Variants in PID1 observed in about 807,000 individuals in gnomAD.
PID1 encodes the protein PTB-containing, cubilin and LRP1-interacting protein.
In PID1, 10 loss-of-function variants were observed where a neutral mutation model predicts 19.1. The ratio of observed to expected loss-of-function variants is 0.52; its 90% CI spans 0.32 to 0.89. PID1 has a LOEUF of 0.89. PID1 is among the 40% of genes least tolerant of loss of function. The probability of loss-of-function intolerance (pLI) is 0.03; values close to 1 mark genes in which losing one functional copy is unlikely to be tolerated. For synonymous variants in PID1, 130 were observed against 116.0 expected (o/e 1.12, Z -0.78); for missense variants, 248 against 285.3 (o/e 0.87, Z 0.94).
intron 1 of PID1, among the ~76,000 whole-genome samples, chr2:229,168,610 A>G (rs1690649899): frequency 6.6e-6 from 1 of 152,040 alleles, no homozygotes; most frequent in Non-Finnish European, 1.5e-5. Context: ...ACCTTTTCCA[A>G]TAGTGTTTGA....
chr2:229,211,955 T>C (rs1691747024), intron 1 of PID1, among the ~76,000 whole-genome samples: 1 of 152,230 alleles, frequency 6.6e-6, no homozygotes, highest in Non-Finnish European at 1.5e-5. Flanking sequence ...TAATTGCATC[T>C]TTCTCCAGTA....
At chr2:229,054,006 T>C (rs891626549) in intron 2 of PID1, among the ~76,000 whole-genome samples, 3 of 152,180 alleles carry the variant, frequency 2.0e-5, no homozygotes, top group Admixed American at 1.3e-4. Context: ...CACAAATGGA[T>C]GGTATCCAAA....
At chr2:229,091,366 G>GAAA (rs35599164) in intron 2 of PID1, among the ~76,000 whole-genome samples, 1 of 141,188 alleles carries the variant, frequency 7.1e-6, no homozygotes, top group Non-Finnish European at 1.6e-5. Flanking sequence ...CTCTGGTAAA[G>GAAA]AAAAAAAAAA....
chr2:229,170,966 T>G (rs928471394), intron 1 of PID1, among the ~76,000 whole-genome samples: 1 of 152,134 alleles, frequency 6.6e-6, no homozygotes, highest in Non-Finnish European at 1.5e-5. Flanking sequence ...CCAGACCAAA[T>G]GTTATGAATT....
intron 2 of PID1, among the ~76,000 whole-genome samples, chr2:229,126,443 A>C (rs1449057589): frequency 6.6e-6 from 1 of 152,136 alleles, no homozygotes; most frequent in Non-Finnish European, 1.5e-5. Flanking sequence ...AACCCTGTGT[A>C]TTACACATTT....
At chr2:229,228,356 C>T (rs1005991688) in intron 1 of PID1, among the ~76,000 whole-genome samples, 3 of 152,182 alleles carry the variant, frequency 2.0e-5, no homozygotes, top group Admixed American at 1.3e-4. Flanking sequence ...ACATCTAGAA[C>T]AATCCAACTG....
intron 1 of PID1, among the ~76,000 whole-genome samples, chr2:229,229,608 C>G (rs150875324): frequency 7.8e-4 from 119 of 152,256 alleles, no homozygotes; most frequent in African/African-American, 2.8e-3. Context: ...TGCACTCCAG[C>G]CTGAACAACA....
intron 2 of PID1, among the ~76,000 whole-genome samples, chr2:229,034,521 C>T (rs1693619839): frequency 6.6e-6 from 1 of 152,134 alleles, no homozygotes; most frequent in Non-Finnish European, 1.5e-5. Context: ...CTTCTCAAGG[C>T]TGGTCCCTTT....
At chr2:229,109,317 A>G (rs915342489) in intron 2 of PID1, among the ~76,000 whole-genome samples, 6 of 152,140 alleles carry the variant, frequency 3.9e-5, no homozygotes, top group Non-Finnish European at 8.8e-5. Flanking sequence ...GTTCTAATAT[A>G]GTGTATTTCT....
rs376894009 is a variant in PID1 at position 229,169,146 on chromosome 2, A to G, written c.31-13182T>C. Among the ~76,000 whole-genome samples the G allele has an allele frequency of 7.9e-5, 12 of 152,292 alleles. No homozygotes were observed. The East Asian group carries it at 1.7e-3, about 22-fold the overall frequency. ...CAGCTCCCAGTGGTTCTACACTCTC[A>G]TGCTAGCCCACAATTGACTTTTAAA... is the stretch of plus-strand genomic sequence containing the variant. On this transcript the variant is annotated intron_variant, in intron 1 of 2. Transcript: ENST00000392055.
At chr2:229,213,616 C>G (rs897444303) in intron 1 of PID1, among the ~76,000 whole-genome samples, 2 of 152,190 alleles carry the variant, frequency 1.3e-5, no homozygotes, top group Admixed American at 6.5e-5. Flanking sequence ...TTGACCAAAA[C>G]AGTCCATTTT....
intron 1 of PID1, among the ~76,000 whole-genome samples, chr2:229,174,737 A>G (rs957075548): frequency 1.3e-5 from 2 of 151,966 alleles, no homozygotes; most frequent in South Asian, 4.2e-4. Flanking sequence ...AAAAAAAAAA[A>G]AAGAAAGAGA....
At chr2:229,266,951 T>C (rs762567712) in intron 1 of PID1, among the ~76,000 whole-genome samples, 16 of 152,278 alleles carry the variant, frequency 1.1e-4, no homozygotes, top group Non-Finnish European at 2.1e-4. Context: ...TGGTCTCCAG[T>C]TGACGTTTTA....
intron 1 of PID1, among the ~76,000 whole-genome samples, chr2:229,200,416 GC>G (rs1193346448): frequency 5.9e-5 from 9 of 151,996 alleles, no homozygotes; most frequent in African/African-American, 1.9e-4. Flanking sequence ...ATTAATACGG[GC>G]CCCATGCCAT....
intron 2 of PID1, among the ~76,000 whole-genome samples, chr2:229,098,903 A>G (rs1695023611): frequency 6.6e-6 from 1 of 152,056 alleles, no homozygotes; most frequent in Non-Finnish European, 1.5e-5. Context: ...CTTTTCCCCT[A>G]CTGAATCTCC....
At chr2:229,226,948 GT>G (rs1366152414) in intron 1 of PID1, among the ~76,000 whole-genome samples, 3 of 152,128 alleles carry the variant, frequency 2.0e-5, no homozygotes, top group Non-Finnish European at 4.4e-5. Flanking sequence ...AAATTCTGTA[GT>G]GTCAAACTTT....
intron 2 of PID1, among the ~76,000 whole-genome samples, chr2:229,139,009 A>G (rs1210469983): frequency 1.5e-4 from 15 of 97,376 alleles, no homozygotes; most frequent in African/African-American, 6.0e-4. Context: ...GAAAGAAAGA[A>G]AGAAAGAAAG....
rs142073206 is a variant in PID1, at chr2:229,196,685, A to G, written c.31-40721T>C. Among the ~76,000 whole-genome samples the G allele has an allele frequency of 1.8e-3, 273 of 152,212 alleles. 1 individual carries two copies. The highest frequency in any genetic ancestry group is 6.2e-3 in the African/African-American group (257 of 41,564). On this transcript the variant is annotated intron_variant, in intron 1 of 2. Transcript: ENST00000392055. ...TGCAGGGCAGACTTTGTGGTCAGACAGACCTGGCTTAAAACCCCAGCTCCA... is the reference window on the plus strand; with the variant it reads ...TGCAGGGCAGACTTTGTGGTCAGACGGACCTGGCTTAAAACCCCAGCTCCA...
chr2:229,217,846 C>T (rs1691881249), intron 1 of PID1, among the ~76,000 whole-genome samples: 1 of 152,174 alleles, frequency 6.6e-6, no homozygotes, highest in Non-Finnish European at 1.5e-5. Flanking sequence ...ACCCTTCTTG[C>T]TTAATCTTCT....
Sources: allele counts gnomAD v4.1 joint callset (sites outside exome capture counted in the v4.1 genomes callset), GRCh38; gene constraint gnomAD v4.1.1; transcripts MANE v1.5; gene names NCBI Gene and HGNC (gene_info 2026-07-23, HGNC 2026-07-21).